The following GRID1 variants were observed in gnomAD, a reference collection of about 807,000 sequenced individuals.
GRID1 encodes the protein glutamate receptor ionotropic, delta-1.
A neutral mutation model predicts 98.0 loss-of-function variants in GRID1; 28 were observed. The ratio of observed to expected loss-of-function variants is 0.29; its 90% CI spans 0.21 to 0.39. The LOEUF is 0.39. Ranked by LOEUF, GRID1 falls within the 10% of genes least tolerant of loss-of-function variation. The pLI is 1.00. For missense variants in GRID1, 1,111 were observed against 1,340.5 expected (o/e 0.83, Z 2.67); for synonymous variants, 553 against 538.5 (o/e 1.03, Z -0.37).
chr10:85,872,904 T>C (rs1306375841), intron 5 of GRID1, among the ~76,000 whole-genome samples: 1 of 152,206 alleles, frequency 6.6e-6, no homozygotes, highest in African/African-American at 2.4e-5. Flanking sequence ...TTATTCTTAC[T>C]GTACAATCCA....
At chr10:85,972,113 T>A (rs1422707897) in intron 4 of GRID1, among the ~76,000 whole-genome samples, 1 of 151,862 alleles carries the variant, frequency 6.6e-6, no homozygotes, top group African/African-American at 2.4e-5. Context: ...GTGGATCTCA[T>A]GTTGTGTCTC....
At chr10:85,692,664 TAA>T (rs59335128) in intron 12 of GRID1, among the ~76,000 whole-genome samples, 9 of 136,218 alleles carry the variant, frequency 6.6e-5, no homozygotes, top group African/African-American at 1.9e-4. Context: ...GAGACCCTGT[TAA>T]AAAAAAAAAA....
At chr10:85,809,765 C>G (rs1320994012) in intron 8 of GRID1, among the ~76,000 whole-genome samples, 1 of 152,148 alleles carries the variant, frequency 6.6e-6, no homozygotes, top group Non-Finnish European at 1.5e-5. Context: ...GCAAGGCACC[C>G]TCCCTCTGCT....
rs538563286 is a variant in GRID1, at chr10:85,758,700, G to A, written c.1234-29086C>T. Reference sequence around the variant, plus strand: ...TGCAAAAGTGCGTGGGTACTGGGAGGTATGATTTGATGGGGACCATCAGAA... The same window carrying A: ...TGCAAAAGTGCGTGGGTACTGGGAGATATGATTTGATGGGGACCATCAGAA... On this transcript the variant is annotated intron_variant, in intron 8 of 15. Transcript: ENST00000327946. Among the ~76,000 whole-genome samples, 4 of 152,288 alleles carry A rather than the reference G, an allele frequency of 2.6e-5. No individual in the cohort carries two copies. In the East Asian group the frequency reaches 7.7e-4, roughly 29 times the overall value.
chr10:86,354,327 TGTC>T (rs140130305), intron 2 of GRID1, among the ~76,000 whole-genome samples: 1 of 152,222 alleles, frequency 6.6e-6, no homozygotes, highest in Non-Finnish European at 1.5e-5. Context: ...GACCAAGAGG[TGTC>T]GTGTACCTTG....
intron 3 of GRID1, among the ~76,000 whole-genome samples, chr10:86,140,006 G>A (rs1312767086): frequency 2.0e-5 from 3 of 152,278 alleles, no homozygotes; most frequent in African/African-American, 4.8e-5. Flanking sequence ...AGTGAGACAC[G>A]GTCCTGACAA....
chr10:85,772,939 T>C (rs994460421), intron 8 of GRID1, among the ~76,000 whole-genome samples: 10 of 151,944 alleles, frequency 6.6e-5, no homozygotes, highest in African/African-American at 1.7e-4. Flanking sequence ...TTCCAATCAA[T>C]AGAAAAAGAG....
chr10:86,069,208 C>A (rs1843762482), intron 4 of GRID1, among the ~76,000 whole-genome samples: 1 of 152,126 alleles, frequency 6.6e-6, no homozygotes, highest in Non-Finnish European at 1.5e-5. Flanking sequence ...TGCTGCAAAC[C>A]TGCCACTGCA....
chr10:86,095,029 A>G (rs1291092064), intron 4 of GRID1, among the ~76,000 whole-genome samples: 1 of 152,202 alleles, frequency 6.6e-6, no homozygotes, highest in Non-Finnish European at 1.5e-5. Context: ...TAGAGAAACC[A>G]GAAATAAACC....
At position 85,973,740 on chromosome 10, in the gene GRID1, T is replaced by G. The variant is rs78882177; in HGVS notation, c.727-57501A>C. On this transcript the variant is annotated intron_variant, in intron 4 of 15. Transcript: ENST00000327946. ...TACAATTATAAATTGAGAATAGACT[T>G]TTTAAGTATTTAACCAAAAGACTAC... Among the ~76,000 whole-genome samples, 135 of 152,298 alleles carry G rather than the reference T, an allele frequency of 8.9e-4. 1 individual carries two copies. The East Asian group carries it at 0.025, about 28-fold the overall frequency.
chr10:86,093,287 G>A (rs552275199), intron 4 of GRID1, among the ~76,000 whole-genome samples: 2 of 151,594 alleles, frequency 1.3e-5, no homozygotes, highest in African/African-American at 4.8e-5. Flanking sequence ...GTCTGACAGA[G>A]CACAGACAAT....
chr10:85,986,074 T>A (rs970122410), intron 4 of GRID1, among the ~76,000 whole-genome samples: 1 of 152,224 alleles, frequency 6.6e-6, no homozygotes, highest in Non-Finnish European at 1.5e-5. Flanking sequence ...GCTCAATAAA[T>A]CCTGTTTAAT....
chr10:86,222,007 A>C (rs769836384), intron 2 of GRID1, among the ~76,000 whole-genome samples: 67 of 152,284 alleles, frequency 4.4e-4, no homozygotes, highest in Admixed American at 1.0e-3. Context: ...GGACAGAGCC[A>C]GCTAAAGCAT....
At chr10:86,080,996 G>A (rs768763407) in intron 4 of GRID1, among the ~76,000 whole-genome samples, 3 of 152,124 alleles carry the variant, frequency 2.0e-5, no homozygotes, top group African/African-American at 4.8e-5. Context: ...GACACAGAGA[G>A]GCAGATGCTG....
intron 4 of GRID1, among the ~76,000 whole-genome samples, chr10:86,091,831 A>T (rs1158515999): frequency 6.6e-6 from 1 of 152,138 alleles, no homozygotes; most frequent in African/African-American, 2.4e-5. Context: ...ACAACCCCCA[A>T]TACCAGCCCC....
At chr10:86,047,993 T>C (rs1441999286) in intron 4 of GRID1, among the ~76,000 whole-genome samples, 1 of 152,174 alleles carries the variant, frequency 6.6e-6, no homozygotes, top group Non-Finnish European at 1.5e-5. Context: ...GATGTGGCAA[T>C]GCGGTGACTG....
intron 8 of GRID1, among the ~76,000 whole-genome samples, chr10:85,794,729 T>C (rs922924310): frequency 6.6e-6 from 1 of 152,210 alleles, no homozygotes; most frequent in African/African-American, 2.4e-5. Context: ...CACTGGGTGC[T>C]AATAGACCCA....
At chr10:86,178,705 G>C (rs1328733244) in intron 3 of GRID1, among the ~76,000 whole-genome samples, 1 of 152,128 alleles carries the variant, frequency 6.6e-6, no homozygotes, top group Non-Finnish European at 1.5e-5. Flanking sequence ...GCCACCTCCA[G>C]GCCTCCTGGC....
At chr10:86,046,175 A>G (rs568634701) in intron 4 of GRID1, among the ~76,000 whole-genome samples, 9 of 152,340 alleles carry the variant, frequency 5.9e-5, no homozygotes, top group African/African-American at 2.2e-4. Flanking sequence ...CTGAAGACCC[A>G]GAAGTTACTA....
Sources: gnomAD v4.1 joint callset for allele counts (sites outside exome capture counted in the v4.1 genomes callset) on GRCh38, gnomAD v4.1.1 for gene constraint, MANE v1.5 for transcripts, NCBI Gene and HGNC (gene_info 2026-07-23, HGNC 2026-07-21) for gene names.